Variants in SAMD9 observed in about 807,000 individuals in gnomAD.
SAMD9 encodes sterile alpha motif domain containing 9, also known as sterile alpha motif domain-containing protein 9.
Under a neutral mutation model 1.5 loss-of-function variants are expected in SAMD9, and 3 were observed. That is an observed-to-expected ratio of 2.05 (90% CI 0.93 to 5.29). SAMD9 has a LOEUF of 5.29. Among genes scored for constraint, SAMD9 ranks in the 30% most tolerant of loss-of-function variants. The pLI is 0.02. For missense variants in SAMD9, 1,597 were observed against 1,820.8 expected, an observed-to-expected ratio of 0.88 and a Z score of 2.24; for synonymous variants, 635 against 631.9, an observed-to-expected ratio of 1.00 and a Z score of -0.07.
rs1428140272 is a variant in SAMD9 at position 93,103,951 on chromosome 7, G to T, written c.2147C>A (p.Ala716Glu). The T allele has an allele frequency of 6.2e-7, 1 of 1,612,970 alleles. No homozygotes were observed. The highest frequency in any genetic ancestry group is 1.3e-5 in the African/African-American group (1 of 74,812). ...AGAATCTGCACAGTTTTGAATCATT[G>T]CTTCAAGTCTTTCATATTTATCCCT... ...VKRDKYERLEAMIQNCADSSK... is the reference protein window; with the variant it reads ...VKRDKYERLEEMIQNCADSSK... The change falls in exon 3 of 3, where the codon GCA (alanine) becomes GAA (glutamate). Residue 716 changes from alanine (A) to glutamate (E), a missense_variant. Coordinates refer to ENST00000379958, the MANE Select transcript of SAMD9 (RefSeq NM_017654.4).
chr7:93,107,765 T>C (rs1434152046), intron 2 of SAMD9, among the ~76,000 whole-genome samples: 1 of 152,224 alleles, frequency 6.6e-6, no homozygotes, highest in Non-Finnish European at 1.5e-5. Context: ...ATTTTTTTCA[T>C]ATGTAACTAC....
rs759114422 is a variant in SAMD9, at chr7:93,103,217, C to A, written c.2881G>T (p.Gly961Cys). Residue 961 changes from glycine to cysteine, a missense_variant, in exon 3 of 3, where the codon GGC becomes TGC. By Grantham distance (159) the Gly-to-Cys change is radical. Around this residue, in one of 6 missense-constraint regions of SAMD9, gnomAD observed 682 missense variants for 810.0 expected, o/e 0.84. Coordinates refer to ENST00000379958, the MANE Select transcript of SAMD9 (RefSeq NM_017654.4). ...TTTATCAGAATTGTAGAGTAGGTGCCCATCTTGTCTTCAAATTTTTCTGTC... is the reference window on the plus strand; with the variant it reads ...TTTATCAGAATTGTAGAGTAGGTGCACATCTTGTCTTCAAATTTTTCTGTC... Reference protein sequence around the residue: ...WGTEKFEDKMGTYSTILIKTE... With the variant: ...WGTEKFEDKMCTYSTILIKTE... The A allele has an allele frequency of 6.2e-7, 1 of 1,613,724 alleles. No individual in the cohort carries two copies. Among genetic ancestry groups the A allele is most frequent in the African/African-American group, 1.3e-5 (1 of 74,984 alleles).
chr7:93,110,951 T>C (rs924008656), intron 2 of SAMD9, among the ~76,000 whole-genome samples: 2 of 152,172 alleles, frequency 1.3e-5, no homozygotes, highest in African/African-American at 4.8e-5. Context: ...CTGCACCAAG[T>C]GGACCTAATA....
chr7:93,102,094 T>C lies in SAMD9; in HGVS notation c.4004A>G (p.Asn1335Ser). The C allele has an allele frequency of 6.2e-7, 1 of 1,613,318 alleles. No homozygotes were observed. The highest frequency in any genetic ancestry group is 8.5e-7 in the Non-Finnish European group (1 of 1,179,758). Residue 1335 changes from asparagine to serine, a missense_variant, in exon 3 of 3, where the codon AAC becomes AGC. By Grantham distance (46) the Asn-to-Ser change is conservative. Transcript: ENST00000379958. ...EPLQVERCRR[N>S]LVALKADKFS... is the part of the protein sequence containing the mutation. Reference sequence around the variant, plus strand: ...CTTGTCTGCTTTTAAAGCTACTAGGTTTCTCCTGCATCTCTCTACTTGAAG... The same window carrying C: ...CTTGTCTGCTTTTAAAGCTACTAGGCTTCTCCTGCATCTCTCTACTTGAAG...
In SAMD9 at chr7:93,105,116, A is replaced by G. The variant is rs750797668; in HGVS notation, c.982T>C (p.Tyr328His). 3 of 1,613,750 alleles carry G rather than the reference A, an allele frequency of 1.9e-6. No homozygotes were observed. Among genetic ancestry groups the G allele is most frequent in the South Asian group, 2.2e-5 (2 of 91,048 alleles). ...YDYFQIKMQN[Y>H]NNKIWEQSKK... ...CTTTGTTCCCATATTTTGTTGTTGT[A>G]ATTTTGCATTTTAATCTGGAAATAA... The change falls in exon 3 of 3, where the codon TAC (tyrosine) becomes CAC (histidine). Residue 328 changes from tyrosine to histidine, a missense_variant. Physicochemically the swap from Tyr to His is moderately conservative, Grantham distance 83. Coordinates refer to ENST00000379958, the MANE Select transcript of SAMD9 (RefSeq NM_017654.4).
At position 93,105,249 on chromosome 7, in the gene SAMD9, G is replaced by A. The variant is rs1215342301; in HGVS notation, c.849C>T (p.Cys283=). Reference sequence around the variant, plus strand: ...CTTCCACAAATCTTGGCTCTCGAATGCACTTCTTTGCTTGTTGGACTTGAT... The same window carrying A: ...CTTCCACAAATCTTGGCTCTCGAATACACTTCTTTGCTTGTTGGACTTGAT... ...EDHQVQQAKK[C]IREPRFVEVL... The change falls in exon 3 of 3, where the codon TGC becomes TGT. Residue 283 remains cysteine, a synonymous_variant. Coordinates refer to ENST00000379958, the MANE Select transcript of SAMD9 (RefSeq NM_017654.4). 1.9e-6 allele frequency: 3 copies of A among 1,613,826 alleles called. No homozygotes were observed. Among genetic ancestry groups the A allele is most frequent in the Admixed American group, 1.7e-5 (1 of 59,978 alleles).
At chr7:93,108,971 T>A (rs1791693922) in intron 2 of SAMD9, among the ~76,000 whole-genome samples, 1 of 151,852 alleles carries the variant, frequency 6.6e-6, no homozygotes, top group Admixed American at 6.6e-5. Context: ...CAGCATGGAG[T>A]TTGAGATCTG....
Position 93,104,662 on chromosome 7 carries a change from G to A in SAMD9, c.1436C>T (p.Thr479Met), listed in dbSNP as rs78564070. ...ATGGTAAAGATTTAGAGTAGAAATC[G>A]TCTCATTTGGTGTGGTTTTCTGTTC... ...YVEQKTTPNE[T>M]ISTLNLYHQP... The change falls in exon 3 of 3, where the codon ACG becomes ATG. Residue 479 changes from threonine to methionine, a missense_variant. By Grantham distance (81) the Thr-to-Met change is moderately conservative. Around this residue, in one of 6 missense-constraint regions of SAMD9, gnomAD observed 358 missense variants for 460.4 expected, o/e 0.78. Coordinates refer to ENST00000379958, the MANE Select transcript of SAMD9 (RefSeq NM_017654.4). 0.053 allele frequency: 85,988 copies of A among 1,613,890 alleles called. 3,307 individuals are homozygous for A. The highest frequency in any genetic ancestry group is 0.18 in the South Asian group (16,787 of 91,076).
chr7:93,102,666 A>T lies in SAMD9; in HGVS notation c.3432T>A (p.Ile1144=), dbSNP rs1791554863. ...WIEENGGNGN[I]SVDDLIALLD... ...AAAGAGCAATTAGATCATCAACTGA[A>T]ATGTTCCCGTTTCCTCCGTTTTCCT... Residue 1144 remains isoleucine, a synonymous_variant, in exon 3 of 3, where the codon ATT becomes ATA. Coordinates refer to ENST00000379958, the MANE Select transcript of SAMD9 (RefSeq NM_017654.4). 1.2e-6 allele frequency: 2 copies of T among 1,613,876 alleles called. No individual in the cohort carries two copies. Among genetic ancestry groups the T allele is most frequent in the Non-Finnish European group, 1.7e-6 (2 of 1,179,822 alleles).
chr7:93,112,642 A>G (rs1791765038), intron 2 of SAMD9, among the ~76,000 whole-genome samples: 1 of 152,218 alleles, frequency 6.6e-6, no homozygotes, highest in Non-Finnish European at 1.5e-5. Context: ...AATCACAAGC[A>G]TTCCTATACA....
In SAMD9 at chr7:93,101,338, T is replaced by A. The variant is rs144109966; in HGVS notation, c.4760A>T (p.Glu1587Val). 1.9e-5 allele frequency: 30 copies of A among 1,611,592 alleles called. No individual in the cohort carries two copies. The African/African-American group carries it at 3.5e-4, about 19-fold the overall frequency. Residue 1587 changes from glutamate to valine, a missense_variant, in exon 3 of 3, where the codon GAA becomes GTA. Glu to Val is a moderately radical substitution (Grantham distance 121). Coordinates refer to ENST00000379958, the MANE Select transcript of SAMD9 (RefSeq NM_017654.4). ...AAGAATATCAGGCTCTTAAACAATT[T>A]CAATGTCATAAGCAAGTGGGCCTCC... is the stretch of plus-strand genomic sequence containing the variant. Reference protein sequence around the residue: ...SIGGPLAYDIEIV With the variant: ...SIGGPLAYDIVIV
At chr7:93,117,450 T>A (rs150684151) in intron 1 of SAMD9, among the ~76,000 whole-genome samples, 1 of 152,208 alleles carries the variant, frequency 6.6e-6, no homozygotes, top group East Asian at 1.9e-4. Context: ...GCTATTTTTT[T>A]TTTTGGTAGG....
chr7:93,102,189 A>G lies in SAMD9; in HGVS notation c.3909T>C (p.Tyr1303=). The G allele has an allele frequency of 6.2e-7, 1 of 1,613,654 alleles. No homozygotes were observed. Among genetic ancestry groups the G allele is most frequent in the Middle Eastern group, 1.7e-4 (1 of 6,060 alleles). Reference sequence around the variant, plus strand: ...CTTCTAAGAGACAAAATATATCTACATATTTCTTAAAATATCCAGCCACCT... The same window carrying G: ...CTTCTAAGAGACAAAATATATCTACGTATTTCTTAAAATATCCAGCCACCT... ...RRKVAGYFKK[Y]VDIFCLLEES... Residue 1303 remains tyrosine, a synonymous_variant, in exon 3 of 3, where the codon TAT becomes TAC. Transcript: ENST00000379958.
Position 93,105,046 on chromosome 7 carries a change from T to A in SAMD9, c.1052A>T (p.Asp351Val), listed in dbSNP as rs757652918. 2.0e-5 allele frequency: 33 copies of A among 1,614,010 alleles called. No individual in the cohort carries two copies. In the East Asian group the frequency reaches 4.2e-4, roughly 21 times the overall value. Residue 351 changes from aspartate (D) to valine (V), a missense_variant, in exon 3 of 3, where the codon GAC becomes GTC. Coordinates refer to ENST00000379958, the MANE Select transcript of SAMD9 (RefSeq NM_017654.4). Reference protein sequence around the residue: ...LFVRDGTSSKDITKNKVDFRA... With the variant: ...LFVRDGTSSKVITKNKVDFRA... ...GAAATCAACTTTATTTTTCGTAATGTCCTTAGAGCTGGTCCCATCTCGCAC... is the reference window on the plus strand; with the variant it reads ...GAAATCAACTTTATTTTTCGTAATGACCTTAGAGCTGGTCCCATCTCGCAC...
chr7:93,113,775 G>A (rs559502113), intron 2 of SAMD9, among the ~76,000 whole-genome samples: 5 of 152,052 alleles, frequency 3.3e-5, no homozygotes, highest in Non-Finnish European at 7.4e-5. Context: ...TTAGAATGGG[G>A]GATCATTAAA....
chr7:93,115,272 C>T (rs890450313), intron 1 of SAMD9, among the ~76,000 whole-genome samples: 3 of 152,200 alleles, frequency 2.0e-5, no homozygotes, highest in Admixed American at 6.5e-5. Context: ...CTCTCATATG[C>T]TGTCTGTGGG....
chr7:93,106,953 G>T (rs1362911167), intron 2 of SAMD9, among the ~76,000 whole-genome samples: 8 of 152,126 alleles, frequency 5.3e-5, no homozygotes, highest in Non-Finnish European at 8.8e-5. Flanking sequence ...ATATTAACTT[G>T]CACAACTCAG....
At chr7:93,108,930 C>A (rs141442053) in intron 2 of SAMD9, among the ~76,000 whole-genome samples, 1 of 152,302 alleles carries the variant, frequency 6.6e-6, no homozygotes, top group Non-Finnish European at 1.5e-5. Context: ...ACATCCCTGT[C>A]TGACAGCTTT....
At chr7:93,108,565 G>A (rs1791683317) in intron 2 of SAMD9, among the ~76,000 whole-genome samples, 1 of 152,184 alleles carries the variant, frequency 6.6e-6, no homozygotes, top group South Asian at 2.1e-4. Flanking sequence ...GGGAAGCCAT[G>A]ACTGACGGTA....
Sources: gnomAD v4.1 joint callset for allele counts (sites outside exome capture counted in the v4.1 genomes callset) on GRCh38, gnomAD v4.1.1 for gene constraint, gnomAD v4.1.1 regional missense constraint, MANE v1.5 for transcripts, NCBI Gene and HGNC (gene_info 2026-07-23, HGNC 2026-07-21) for gene names.